ZNF366: variants seen among roughly 807,000 people sequenced by gnomAD.
ZNF366 encodes dendritic cell-specific transcript protein.
Under a neutral mutation model 47.2 loss-of-function variants are expected in ZNF366, and 20 were observed. The observed-to-expected ratio is 0.42, with a 90% CI of 0.30 to 0.62. The LOEUF is 0.62. ZNF366 is among the 20% of genes least tolerant of loss of function. ZNF366 has a pLI of 0.16. For synonymous variants in ZNF366, 421 were observed against 395.1 expected, an observed-to-expected ratio of 1.07 and a Z score of -0.78; for missense variants, 987 against 976.3, an observed-to-expected ratio of 1.01 and a Z score of -0.15.
chr5:72,499,013 T>C (rs965752122), intron 1 of ZNF366, among the ~76,000 whole-genome samples: 1 of 152,224 alleles, frequency 6.6e-6, no homozygotes, highest in Non-Finnish European at 1.5e-5. Flanking sequence ...TCAGTCATTC[T>C]AAATAGTGGG....
intron 3 of ZNF366, among the ~76,000 whole-genome samples, chr5:72,451,993 C>T (rs1287406032): frequency 1.3e-5 from 2 of 152,212 alleles, no homozygotes; most frequent in African/African-American, 2.4e-5. Flanking sequence ...ATGGAGAAGT[C>T]GGCTGTGGCC....
chr5:72,506,943 G>C (rs911233795), intron 1 of ZNF366, among the ~76,000 whole-genome samples: 2 of 152,132 alleles, frequency 1.3e-5, no homozygotes, highest in African/African-American at 4.8e-5. Context: ...TCTCCAGTGG[G>C]ACACATCTCA....
intron 1 of ZNF366, among the ~76,000 whole-genome samples, chr5:72,480,000 T>C (rs1743760201): frequency 6.6e-6 from 1 of 152,220 alleles, no homozygotes; most frequent in Non-Finnish European, 1.5e-5. Context: ...TCACAAAGTC[T>C]TGTTTTGCAG....
In ZNF366 at chr5:72,443,792, C is replaced by T; in HGVS notation, c.2199G>A (p.Arg733=). The change falls in exon 5 of 5, where the codon AGG becomes AGA. Residue 733 remains arginine, a synonymous_variant. Coordinates refer to ENST00000318442, the MANE Select transcript of ZNF366 (RefSeq NM_152625.3). The stretch of plus-strand genomic sequence containing the variant: ...AAAGCACTGCTTGTTTTTCCATTTT[C>T]CTCTCCAGTAATTCTTTCAAACTCT... The part of the protein sequence containing the change: ...RDESLKELLE[R]KMEKQAVLLG... 2 of 1,613,246 alleles carry T rather than the reference C, an allele frequency of 1.2e-6. No homozygotes were observed. The highest frequency in any genetic ancestry group is 1.7e-6 in the Non-Finnish European group (2 of 1,179,772).
At chr5:72,480,612 A>G in intron 1 of ZNF366, among the ~76,000 whole-genome samples, 1 of 152,194 alleles carries the variant, frequency 6.6e-6, no homozygotes, top group East Asian at 1.9e-4. Flanking sequence ...TCAAGTTTTC[A>G]TCTTCATTTA....
At position 72,460,723 on chromosome 5, in the gene ZNF366, G is replaced by A. The variant is rs543726776; in HGVS notation, c.774C>T (p.Cys258=). ...GSQKRWQCPT[C]EKSYTSKYNL... is the part of the protein sequence containing the mutation. ...TGTACTTGGAGGTGTAGGACTTCTC[G>A]CAGGTGGGGCACTGCCAGCGCTTCT... is the stretch of plus-strand genomic sequence containing the variant. The change falls in exon 2 of 5, where the codon TGC becomes TGT. Residue 258 remains cysteine (C), a synonymous_variant. Coordinates refer to ENST00000318442, the MANE Select transcript of ZNF366 (RefSeq NM_152625.3). The A allele has an allele frequency of 8.1e-6, 13 of 1,614,222 alleles. No individual in the cohort carries two copies. The highest frequency in any genetic ancestry group is 4.5e-5 in the East Asian group (2 of 44,878).
intron 3 of ZNF366, among the ~76,000 whole-genome samples, chr5:72,455,508 C>A (rs76919753): frequency 6.6e-6 from 1 of 152,156 alleles, no homozygotes; most frequent in East Asian, 1.9e-4. Context: ...TCTTCATGAC[C>A]GGATGACACT....
At chr5:72,481,559 G>A (rs1472448260) in intron 1 of ZNF366, among the ~76,000 whole-genome samples, 1 of 152,162 alleles carries the variant, frequency 6.6e-6, no homozygotes, top group African/African-American at 2.4e-5. Flanking sequence ...ATTACAAAGT[G>A]AAAGTATATT....
chr5:72,478,754 T>C (rs6870967), intron 1 of ZNF366, among the ~76,000 whole-genome samples: 7,283 of 152,264 alleles, frequency 0.048, 519 homozygotes, highest in African/African-American at 0.15. Context: ...TGTAAAGTGG[T>C]GGCACCTGCC....
intron 3 of ZNF366, among the ~76,000 whole-genome samples, chr5:72,453,679 T>C (rs1249086659): frequency 6.6e-6 from 1 of 152,106 alleles, no homozygotes; most frequent in East Asian, 1.9e-4. Context: ...TGCAAGTCTG[T>C]TGAAATGAAG....
At chr5:72,461,730 G>T (rs141258970) in intron 1 of ZNF366, among the ~76,000 whole-genome samples, 1 of 152,236 alleles carries the variant, frequency 6.6e-6, no homozygotes, top group East Asian at 1.9e-4. Context: ...GGTGACCCTA[G>T]GGCTGAATCA....
rs548466702 is a variant in ZNF366, at chr5:72,507,376, C to A, written c.-140G>T. On this transcript the variant is annotated 5_prime_UTR_variant, in exon 1 of 5. Coordinates refer to ENST00000318442, the MANE Select transcript of ZNF366 (RefSeq NM_152625.3). Reference sequence around the variant, plus strand: ...CAGATTGCAGGGAACTTAAAGAACTCGCAGGGACAGTGTTTCGAATGACTT... The same window carrying A: ...CAGATTGCAGGGAACTTAAAGAACTAGCAGGGACAGTGTTTCGAATGACTT... The A allele has an allele frequency of 3.8e-4, 371 of 985,354 alleles. 2 individuals carry two copies. The South Asian group carries it at 8.6e-3, about 23-fold the overall frequency. 61.0% of individuals were successfully genotyped at this position (985,354 alleles called of 1,614,324 possible).
chr5:72,490,435 C>A (rs1036653454), intron 1 of ZNF366, among the ~76,000 whole-genome samples: 3 of 152,112 alleles, frequency 2.0e-5, no homozygotes, highest in Non-Finnish European at 4.4e-5. Context: ...AATAAAGCCT[C>A]CACTTTTGAA....
At chr5:72,493,222 C>A (rs1561204380) in intron 1 of ZNF366, among the ~76,000 whole-genome samples, 1 of 152,226 alleles carries the variant, frequency 6.6e-6, no homozygotes, top group South Asian at 2.1e-4. Context: ...AAGTATTCAG[C>A]AACAATCACG....
At position 72,495,265 on chromosome 5, in the gene ZNF366, T is replaced by C. The variant is rs1249576925; in HGVS notation, c.-15+11986A>G. Among the ~76,000 whole-genome samples, 3 of 152,106 alleles carry C rather than the reference T, an allele frequency of 2.0e-5. No individual in the cohort carries two copies. In the East Asian group the frequency reaches 5.8e-4, roughly 29 times the overall value. On this transcript the variant is annotated intron_variant, in intron 1 of 4. Coordinates refer to ENST00000318442, the MANE Select transcript of ZNF366 (RefSeq NM_152625.3). ...GAGTAGGGGAGTTCAGATTAATAAT[T>C]AAAAGGGGCTAATCGTTTATTGAAT...
chr5:72,467,702 A>T (rs1743461998), intron 1 of ZNF366, among the ~76,000 whole-genome samples: 1 of 152,226 alleles, frequency 6.6e-6, no homozygotes. Flanking sequence ...CTCTTCCACG[A>T]AAGAGAGAAA....
At chr5:72,458,177 C>A (rs1331957437) in intron 2 of ZNF366, among the ~76,000 whole-genome samples, 2 of 151,804 alleles carry the variant, frequency 1.3e-5, no homozygotes, top group Non-Finnish European at 2.9e-5. Context: ...CCACCATGCC[C>A]GGCTAATTTT....
intron 1 of ZNF366, chr5:72,493,582 C>T (rs1035453844): frequency 1.3e-5 from 2 of 152,166 alleles, no homozygotes; most frequent in Admixed American, 6.5e-5. Flanking sequence ...TTCTTCAAAA[C>T]ACACCTTCTG....
chr5:72,466,565 TC>T, intron 1 of ZNF366, among the ~76,000 whole-genome samples: 2 of 152,328 alleles, frequency 1.3e-5, no homozygotes, highest in South Asian at 4.1e-4. Context: ...AGGGACTGGA[TC>T]TGTTTTATTC....
Sources: gnomAD v4.1 joint callset for allele counts (sites outside exome capture counted in the v4.1 genomes callset) on GRCh38, gnomAD v4.1.1 for gene constraint, MANE v1.5 for transcripts, NCBI Gene and HGNC (gene_info 2026-07-23, HGNC 2026-07-21) for gene names.